The following CACNA1C variants were observed in gnomAD, a reference collection of about 807,000 sequenced individuals.
The protein encoded by CACNA1C is voltage-dependent L-type calcium channel subunit alpha-1C.
A neutral mutation model predicts 229.0 loss-of-function variants in CACNA1C; 30 were observed. The ratio of observed to expected loss-of-function variants is 0.13; its 90% CI spans 0.10 to 0.18. CACNA1C has a LOEUF of 0.18. CACNA1C is among the 10% of genes least tolerant of loss of function. CACNA1C has a pLI of 1.00. For missense variants in CACNA1C, 1,658 were observed against 2,845.0 expected (o/e 0.58, Z 9.49); for synonymous variants, 1,114 against 1,132.5 (o/e 0.98, Z 0.33).
At chr12:2,016,365 AAACT>A (rs2154485387) in intron 1 of CACNA1C, among the ~76,000 whole-genome samples, 1 of 152,372 alleles carries the variant, frequency 6.6e-6, no homozygotes, top group South Asian at 2.1e-4. Flanking sequence ...AGATACACTA[AAACT>A]AACTATTGTA....
intron 21 of CACNA1C, among the ~76,000 whole-genome samples, chr12:2,600,847 T>A (rs898900398): frequency 6.6e-6 from 1 of 152,236 alleles, no homozygotes; most frequent in Non-Finnish European, 1.5e-5. Context: ...CAGGCTGTAG[T>A]GACAGCTCAC....
intron 3 of CACNA1C, among the ~76,000 whole-genome samples, chr12:2,350,360 G>C (rs189634881): frequency 2.9e-4 from 44 of 152,312 alleles, no homozygotes; most frequent in Non-Finnish European, 5.4e-4. Flanking sequence ...GTAGGAGACT[G>C]TGACTCTCCC....
chr12:2,041,338 G>T (rs574312462), intron 1 of CACNA1C, among the ~76,000 whole-genome samples: 1 of 144,774 alleles, frequency 6.9e-6, no homozygotes, highest in Non-Finnish European at 1.5e-5. Flanking sequence ...GTGCAGTGGC[G>T]CTGTCTTGGC....
intron 3 of CACNA1C, among the ~76,000 whole-genome samples, chr12:2,174,030 C>T (rs1334938598): frequency 1.3e-5 from 2 of 152,038 alleles, no homozygotes; most frequent in African/African-American, 4.8e-5. Context: ...TTAATACTTC[C>T]CACACAAGTT....
chr12:2,038,405 G>A (rs982721566), intron 1 of CACNA1C, among the ~76,000 whole-genome samples: 2 of 152,072 alleles, frequency 1.3e-5, no homozygotes, highest in Non-Finnish European at 2.9e-5. Flanking sequence ...TAACAGACTG[G>A]ACCCCCAAGC....
At chr12:2,339,549 CACAA>C (rs1328485967) in intron 3 of CACNA1C, among the ~76,000 whole-genome samples, 6 of 152,196 alleles carry the variant, frequency 3.9e-5, no homozygotes, top group Admixed American at 2.0e-4. Context: ...TAGCTTAAAA[CACAA>C]ACACACAGCT....
upstream of CACNA1C, among the ~76,000 whole-genome samples, chr12:2,050,792 C>CGGA (rs2052016503): frequency 6.6e-6 from 1 of 152,190 alleles, no homozygotes; most frequent in African/African-American, 2.4e-5. Context: ...GGGCCAGAAC[C>CGGA]ACTGGACAAA....
chr12:2,690,990 A>G lies in CACNA1C; in HGVS notation c.6208A>G (p.Thr2070Ala). Residue 2070 changes from threonine (T) to alanine (A), a missense_variant, in exon 47 of 47, where the codon ACC becomes GCC. By Grantham distance (58) the Thr-to-Ala change is moderately conservative. Transcript: ENST00000399655. The part of the protein sequence containing the change: ...TQELADACDM[T>A]IEEMESAADN... ...GGAGCTGGCCGACGCCTGCGACATG[A>G]CCATAGAGGAGATGGAGAGCGCGGC... 6.2e-7 allele frequency: 1 copy of G among 1,600,422 alleles called. No individual in the cohort carries two copies. Among genetic ancestry groups the G allele is most frequent in the Admixed American group, 1.7e-5 (1 of 58,196 alleles).
At chr12:2,235,141 C>T (rs1188654868) in intron 3 of CACNA1C, among the ~76,000 whole-genome samples, 1 of 152,232 alleles carries the variant, frequency 6.6e-6, no homozygotes, top group Non-Finnish European at 1.5e-5. Flanking sequence ...AGTGTTCTCC[C>T]AGCCCCTTCG....
rs75140182 is a variant in CACNA1C at position 2,340,990 on chromosome 12, G to A, written c.478-107986G>A. Among the ~76,000 whole-genome samples, 427 of 152,152 alleles carry A rather than the reference G, an allele frequency of 2.8e-3. 12 individuals are homozygous for A. In the East Asian group the frequency reaches 0.041, roughly 15 times the overall value. ...AAAAAAAAAGACTTGGCCTTTTAAT[G>A]AAATACAGCGATACGGCAGTAGGCA... On this transcript the variant is annotated intron_variant, in intron 3 of 46. Transcript: ENST00000399655.
rs2051848903 is a variant in CACNA1C, at chr12:2,567,540, G to T, written c.1670-29G>T. 4.8e-6 allele frequency: 7 copies of T among 1,448,720 alleles called. 1 individual carries two copies. In the East Asian group the frequency reaches 1.4e-4, roughly 30 times the overall value. 89.7% of individuals were successfully genotyped at this position (1,448,720 alleles called of 1,614,324 possible). On this transcript the variant is annotated intron_variant, in intron 12 of 46. Transcript: ENST00000399655. The stretch of plus-strand genomic sequence containing the variant: ...CTCTCTGCCTCCTCTGGCCCTGCTC[G>T]GATCTCATCCCTCTCCTGGGCCTGC...
intron 13 of CACNA1C, among the ~76,000 whole-genome samples, chr12:2,579,403 G>A (rs1368291378): frequency 6.6e-6 from 1 of 152,020 alleles, no homozygotes; most frequent in Non-Finnish European, 1.5e-5. Context: ...AAAGTTGCTG[G>A]TTCCCAACTC....
intron 3 of CACNA1C, among the ~76,000 whole-genome samples, chr12:2,351,247 A>T (rs1385990070): frequency 6.6e-6 from 1 of 152,142 alleles, no homozygotes. Flanking sequence ...ATGACCAAAA[A>T]TGTCTCCAGA....
At chr12:2,183,044 A>C (rs2096888316) in intron 3 of CACNA1C, among the ~76,000 whole-genome samples, 1 of 152,112 alleles carries the variant, frequency 6.6e-6, no homozygotes, top group Non-Finnish European at 1.5e-5. Flanking sequence ...TATTATTTTT[A>C]GTATTTTTAA....
intron 3 of CACNA1C, among the ~76,000 whole-genome samples, chr12:2,163,532 G>T (rs2096029149): frequency 2.0e-5 from 3 of 152,086 alleles, no homozygotes; most frequent in Non-Finnish European, 4.4e-5. Flanking sequence ...CCCCTGGTGG[G>T]TACATCCTGG....
At chr12:2,044,748 T>C (rs1159817757) in intron 1 of CACNA1C, among the ~76,000 whole-genome samples, 1 of 152,150 alleles carries the variant, frequency 6.6e-6, no homozygotes, top group East Asian at 1.9e-4. Context: ...AATATCCCTT[T>C]TTGTCTATTG....
At position 2,567,711 on chromosome 12, in the gene CACNA1C, C is replaced by A. The variant is rs2154593433; in HGVS notation, c.1812C>A (p.Ile604=). ...TGTGTGGCGGCATCCTGGAGACCAT[C>A]CTGGTGGAGACCAAGATCATGTCCC... ...FVVCGGILET[I]LVETKIMSPL... Residue 604 remains isoleucine (I), a synonymous_variant, in exon 13 of 47, where the codon ATC becomes ATA. Coordinates refer to ENST00000399655, the MANE Select transcript of CACNA1C (RefSeq NM_000719.7). 4 of 1,613,706 alleles carry A rather than the reference C, an allele frequency of 2.5e-6. No individual in the cohort carries two copies. The East Asian group carries it at 8.9e-5, about 36-fold the overall frequency.
At chr12:2,338,758 G>A (rs1167170083) in intron 3 of CACNA1C, among the ~76,000 whole-genome samples, 1 of 152,136 alleles carries the variant, frequency 6.6e-6, no homozygotes, top group African/African-American at 2.4e-5. Flanking sequence ...TGGAGGAGGT[G>A]CCCTTGGGGG....
intron 1 of CACNA1C, among the ~76,000 whole-genome samples, chr12:2,035,112 C>G (rs1267309143): frequency 2.6e-5 from 4 of 152,294 alleles, no homozygotes; most frequent in African/African-American, 4.8e-5. Context: ...GACCGCAAGG[C>G]CCGGGGGCGT....
Sources: allele counts gnomAD v4.1 joint callset (sites outside exome capture counted in the v4.1 genomes callset), GRCh38; gene constraint gnomAD v4.1.1; transcripts MANE v1.5; gene names NCBI Gene and HGNC (gene_info 2026-07-23, HGNC 2026-07-21).